LRRK1: variants seen among roughly 807,000 people sequenced by gnomAD.
LRRK1 encodes leucine-rich repeat serine/threonine-protein kinase 1.
Under a neutral mutation model 209.1 loss-of-function variants are expected in LRRK1, and 113 were observed. The ratio of observed to expected loss-of-function variants is 0.54; its 90% CI spans 0.46 to 0.63. The LOEUF (loss-of-function observed/expected upper bound fraction) is 0.63. Among genes scored for constraint, LRRK1 ranks in the 30% least tolerant of loss-of-function variants. The pLI is 0.00. For synonymous variants in LRRK1, 1,144 were observed against 1,099.7 expected (o/e 1.04, Z -0.80); for missense variants, 2,284 against 2,632.2 (o/e 0.87, Z 2.89).
At chr15:100,936,654 A>AC (rs538092716) in intron 2 of LRRK1, among the ~76,000 whole-genome samples, 323 of 152,294 alleles carry the variant, frequency 2.1e-3, no homozygotes, top group Non-Finnish European at 3.4e-3. Context: ...TGTCAATAGC[A>AC]TGCTAGCTGT....
Position 101,017,347 on chromosome 15 carries a change from GTGTGTATTTATA to G in LRRK1, c.1609+1950_1609+1961del, listed in dbSNP as rs560638877. 1.7e-3 allele frequency among the ~76,000 whole-genome samples: 262 copies of G among 152,316 alleles called. 1 individual carries two copies. The highest frequency in any genetic ancestry group is 6.0e-3 in the African/African-American group (249 of 41,560). ...ACATAGAGATCTGTCCCATAAGAGCGTGTGTATTTATATGTGACTGAAAAAGGAATATCAGTG... is the reference window on the plus strand; with the variant it reads ...ACATAGAGATCTGTCCCATAAGAGCGTGTGACTGAAAAAGGAATATCAGTG... On this transcript the variant is annotated intron_variant, in intron 12 of 33. Coordinates refer to ENST00000388948, the MANE Select transcript of LRRK1 (RefSeq NM_024652.6).
chr15:101,059,165 G>A (rs2141149760), intron 29 of LRRK1, among the ~76,000 whole-genome samples: 1 of 152,260 alleles, frequency 6.6e-6, no homozygotes, highest in South Asian at 2.1e-4. Context: ...TGAGGCAGGT[G>A]GATCTTTTGA....
intron 6 of LRRK1, among the ~76,000 whole-genome samples, chr15:101,008,105 T>C (rs2033048378): frequency 8.1e-6 from 1 of 122,946 alleles, no homozygotes; most frequent in Admixed American, 1.1e-4. Flanking sequence ...ATCGCACCAC[T>C]GCACTCCAGC....
At chr15:101,036,421 A>C (rs2034495481) in intron 20 of LRRK1, among the ~76,000 whole-genome samples, 1 of 152,122 alleles carries the variant, frequency 6.6e-6, no homozygotes, top group Non-Finnish European at 1.5e-5. Context: ...TCACTCAATG[A>C]ATTCTTCAGT....
intron 6 of LRRK1, among the ~76,000 whole-genome samples, chr15:101,005,707 C>T (rs578139202): frequency 3.9e-5 from 6 of 152,240 alleles, no homozygotes; most frequent in Admixed American, 3.3e-4. Flanking sequence ...AAATTGACAG[C>T]GATATGTCAC....
chr15:101,022,542 C>T lies in LRRK1; in HGVS notation c.2012C>T (p.Ala671Val). The change falls in exon 15 of 34, where the codon GCC becomes GTC. Residue 671 changes from alanine to valine, a missense_variant. Ala to Val is a moderately conservative substitution (Grantham distance 64). This residue lies in a region of LRRK1 where 494 missense variants were observed against 522.1 expected (regional missense o/e 0.95). Coordinates refer to ENST00000388948, the MANE Select transcript of LRRK1 (RefSeq NM_024652.6). The surrounding 1 kb of genome is among the most constrained non-coding windows in gnomAD (Gnocchi z 4.0). ...GCCCCCCAGGTGGTGCATGGAGAGG[C>T]CACCATCAGGACCACCAAGTGGGAG... ...GRAPQVVHGE[A>V]TIRTTKWELQ... 5 of 1,613,718 alleles carry T rather than the reference C, an allele frequency of 3.1e-6. No homozygotes were observed. Among genetic ancestry groups the T allele is most frequent in the Non-Finnish European group, 4.2e-6 (5 of 1,179,996 alleles).
At chr15:100,957,756 G>T (rs956710124) in intron 2 of LRRK1, among the ~76,000 whole-genome samples, 1 of 152,210 alleles carries the variant, frequency 6.6e-6, no homozygotes, top group African/African-American at 2.4e-5. Context: ...TTCAGCTACT[G>T]TGTGTCTTTT....
At chr15:100,990,629 C>A (rs1250552917) in intron 6 of LRRK1, among the ~76,000 whole-genome samples, 2 of 151,472 alleles carry the variant, frequency 1.3e-5, no homozygotes, top group East Asian at 3.9e-4. Flanking sequence ...TGTTCATGAA[C>A]TATTTGCATT....
intron 2 of LRRK1, among the ~76,000 whole-genome samples, chr15:100,956,947 T>C (rs1292778781): frequency 6.6e-6 from 1 of 152,252 alleles, no homozygotes. Flanking sequence ...ACTTTCATCT[T>C]AGAACTGCTT....
chr15:101,032,146 T>A lies in LRRK1; in HGVS notation c.2963+2914T>A, dbSNP rs7177141. On this transcript the variant is annotated intron_variant, in intron 20 of 33. Coordinates refer to ENST00000388948, the MANE Select transcript of LRRK1 (RefSeq NM_024652.6). ...CATTTTCTTCATGACTAATGAGGTC[T>A]AGCACCTTTCGTGAGCTTATTGGCC... Among the ~76,000 whole-genome samples, 68 of 152,338 alleles carry A rather than the reference T, an allele frequency of 4.5e-4. 3 individuals are homozygous for A. In the South Asian group the frequency reaches 0.013, roughly 28 times the overall value.
At chr15:101,066,812 C>A in intron 33 of LRRK1, 71 bp downstream of exon 33, 1 of 1,227,272 alleles carries the variant, frequency 8.1e-7, no homozygotes, top group Non-Finnish European at 1.2e-6. Flanking sequence ...CAGCCAGGTC[C>A]TGCACAGTGG....
chr15:100,932,339 A>G (rs2042227807), intron 2 of LRRK1, among the ~76,000 whole-genome samples: 1 of 152,136 alleles, frequency 6.6e-6, no homozygotes, highest in Non-Finnish European at 1.5e-5. Flanking sequence ...TTATCTTTGT[A>G]TATATTTCTG....
intron 2 of LRRK1, among the ~76,000 whole-genome samples, chr15:100,936,718 C>G (rs1410296794): frequency 6.6e-6 from 1 of 152,188 alleles, no homozygotes; most frequent in Non-Finnish European, 1.5e-5. Context: ...GTGCAGTCCT[C>G]TATGATGAGC....
At chr15:100,939,459 A>G (rs770984366) in intron 2 of LRRK1, among the ~76,000 whole-genome samples, 6 of 152,206 alleles carry the variant, frequency 3.9e-5, no homozygotes, top group Non-Finnish European at 5.9e-5. Flanking sequence ...TGCCCAATAG[A>G]TGGTGGGTTC....
Position 100,998,273 on chromosome 15 carries a change from C to G in LRRK1, c.762+8875C>G, listed in dbSNP as rs577942755. Among the ~76,000 whole-genome samples the G allele has an allele frequency of 5.3e-5, 8 of 152,128 alleles. No homozygotes were observed. The East Asian group carries it at 1.5e-3, about 29-fold the overall frequency. On this transcript the variant is annotated intron_variant, in intron 6 of 33. Transcript: ENST00000388948. ...GTACCAGCAAGCAGACCACGCCTAG[C>G]CAGGAAAAAGCGAGCCTGCCTCCTC...
At chr15:101,059,157 A>C (rs2036003308) in intron 29 of LRRK1, among the ~76,000 whole-genome samples, 1 of 152,200 alleles carries the variant, frequency 6.6e-6, no homozygotes, top group Non-Finnish European at 1.5e-5. Context: ...TAGGAGGCTG[A>C]GGCAGGTGGA....
chr15:101,049,680 A>C lies in LRRK1; in HGVS notation c.3336A>C (p.Lys1112Asn). 1 of 1,614,014 alleles carries C rather than the reference A, an allele frequency of 6.2e-7. No individual in the cohort carries two copies. The highest frequency in any genetic ancestry group is 8.5e-7 in the Non-Finnish European group (1 of 1,179,950). ...ESSDVNWKKK[K>N]SGGMKIVCQS... is the part of the protein sequence containing the mutation. ...CCGACGTGAACTGGAAAAAGAAGAA[A>C]AGCGGAGGAATGAAAATTGTTTGCC... Residue 1112 changes from lysine to asparagine, a missense_variant, in exon 23 of 34, where the codon AAA becomes AAC. This residue lies in a region of LRRK1 where 780 missense variants were observed against 985.2 expected (regional missense o/e 0.79). Coordinates refer to ENST00000388948, the MANE Select transcript of LRRK1 (RefSeq NM_024652.6).
At chr15:101,049,811 T>A in intron 23 of LRRK1, 28 bp downstream of exon 23, 1 of 1,600,884 alleles carries the variant, frequency 6.2e-7, no homozygotes, top group Non-Finnish European at 8.5e-7. Context: ...AAGCAAGCCC[T>A]CATTCATGCT....
chr15:101,002,841 C>T (rs752674185), intron 6 of LRRK1, among the ~76,000 whole-genome samples: 4 of 152,188 alleles, frequency 2.6e-5, no homozygotes, highest in Non-Finnish European at 5.9e-5. Flanking sequence ...TCAAGTGATT[C>T]GGCCTCAGCC....
Sources: allele counts gnomAD v4.1 joint callset (sites outside exome capture counted in the v4.1 genomes callset), GRCh38; gene constraint gnomAD v4.1.1; regional missense constraint gnomAD v4.1.1; non-coding constraint Gnocchi (gnomAD v3.1); transcripts MANE v1.5; gene names NCBI Gene and HGNC (gene_info 2026-07-23, HGNC 2026-07-21).